The following FAM227B variants were observed in gnomAD, a reference collection of about 807,000 sequenced individuals.
The protein encoded by FAM227B is family with sequence similarity 227 member B.
A neutral mutation model predicts 73.8 loss-of-function variants in FAM227B; 88 were observed. The observed-to-expected ratio is 1.19, with a 90% CI of 1.00 to 1.42. The LOEUF is 1.42. Among genes scored for constraint, FAM227B ranks in the 40% most tolerant of loss-of-function variants. The pLI, the probability that FAM227B is intolerant of heterozygous loss-of-function variation, is 0.00. For missense variants in FAM227B, 632 were observed against 590.9 expected (o/e 1.07, Z -0.72); for synonymous variants, 210 against 190.5 (o/e 1.10, Z -0.84).
chr15:49,362,975 C>T (rs890416768), intron 13 of FAM227B, among the ~76,000 whole-genome samples: 1 of 151,900 alleles, frequency 6.6e-6, no homozygotes, highest in Admixed American at 6.6e-5. Context: ...CTGTTCCATA[C>T]GTCTTTGTGT....
intron 11 of FAM227B, among the ~76,000 whole-genome samples, chr15:49,389,943 CTA>C (rs1232433443): frequency 4.6e-5 from 7 of 152,042 alleles, no homozygotes; most frequent in African/African-American, 1.4e-4. Flanking sequence ...GCCGTATTTT[CTA>C]TGTCAACATA....
chr15:49,398,017 T>C (rs1227419122), intron 11 of FAM227B, among the ~76,000 whole-genome samples: 3 of 152,164 alleles, frequency 2.0e-5, no homozygotes, highest in Non-Finnish European at 2.9e-5. Flanking sequence ...TAAATGTAAA[T>C]GGACTAAATG....
At chr15:49,422,881 G>T (rs2049807544) in intron 11 of FAM227B, among the ~76,000 whole-genome samples, 1 of 152,132 alleles carries the variant, frequency 6.6e-6, no homozygotes, top group East Asian at 1.9e-4. Context: ...AGTAATTGAA[G>T]AAATGCATGT....
chr15:49,486,693 G>A (rs1445180860), intron 11 of FAM227B: 1 of 151,910 alleles, frequency 6.6e-6, no homozygotes, highest in Non-Finnish European at 1.5e-5. Flanking sequence ...ACATAGCAAT[G>A]CTGAATTAGG....
intron 11 of FAM227B, among the ~76,000 whole-genome samples, chr15:49,408,501 T>G (rs2048666150): frequency 6.6e-6 from 1 of 152,240 alleles, no homozygotes; most frequent in African/African-American, 2.4e-5. Context: ...GCTCTCTCGC[T>G]TTTCCTTCAT....
chr15:49,591,029 G>GTTTT (rs71424023), intron 3 of FAM227B, among the ~76,000 whole-genome samples: 2 of 105,608 alleles, frequency 1.9e-5, no homozygotes, highest in South Asian at 3.2e-4. Flanking sequence ...TCTTTTTTTT[G>GTTTT]TTTTTTTTTT....
At chr15:49,566,505 G>A (rs2074670623) in intron 9 of FAM227B, among the ~76,000 whole-genome samples, 1 of 152,120 alleles carries the variant, frequency 6.6e-6, no homozygotes, top group African/African-American at 2.4e-5. Flanking sequence ...ATATATTTAG[G>A]TTCAGATTAA....
chr15:49,542,278 G>A (rs955316063), intron 9 of FAM227B, among the ~76,000 whole-genome samples: 13 of 147,252 alleles, frequency 8.8e-5, no homozygotes, highest in African/African-American at 3.3e-4. Flanking sequence ...CACAGCCAGT[G>A]GAGGGAGATG....
chr15:49,487,915 T>C (rs2056540029), intron 11 of FAM227B: 1 of 151,998 alleles, frequency 6.6e-6, no homozygotes, highest in South Asian at 2.1e-4. Context: ...CCACTGCCAT[T>C]TACTTGAGCG....
In FAM227B at chr15:49,367,382, C is replaced by T. The variant is rs1319799991; in HGVS notation, c.1271+66G>A. 2.3e-6 allele frequency: 3 copies of T among 1,315,446 alleles called. No individual in the cohort carries two copies. The African/African-American group carries it at 4.5e-5, about 20-fold the overall frequency. 81.5% of individuals were successfully genotyped at this position (1,315,446 alleles called of 1,614,324 possible). ...CAATTTGTTTCTCAATTGAGACATT[C>T]AGTGAAATGTTTTGAATATTATTTT... On this transcript the variant is annotated intron_variant, in intron 13 of 15. Coordinates refer to ENST00000299338, the MANE Select transcript of FAM227B (RefSeq NM_152647.3).
chr15:49,427,941 A>C (rs1429615982), intron 11 of FAM227B, among the ~76,000 whole-genome samples: 1 of 152,042 alleles, frequency 6.6e-6, no homozygotes, highest in Non-Finnish European at 1.5e-5. Context: ...CTGGATTGTG[A>C]GGTTGTCACT....
intron 10 of FAM227B, among the ~76,000 whole-genome samples, chr15:49,508,828 C>A (rs111979948): frequency 6.6e-6 from 1 of 152,048 alleles, no homozygotes; most frequent in Non-Finnish European, 1.5e-5. Context: ...AGATAGATTG[C>A]CTATGTTTTA....
At chr15:49,532,090 T>C (rs1378304156) in intron 10 of FAM227B, among the ~76,000 whole-genome samples, 1 of 149,608 alleles carries the variant, frequency 6.7e-6, no homozygotes, top group African/African-American at 2.4e-5. Context: ...TATAGATATT[T>C]AAGGGATTAT....
intron 13 of FAM227B, among the ~76,000 whole-genome samples, chr15:49,350,311 A>C (rs911476389): frequency 1.3e-5 from 2 of 152,222 alleles, no homozygotes; most frequent in Non-Finnish European, 2.9e-5. Flanking sequence ...ATGACCACAC[A>C]TGGCTAGTGG....
In FAM227B at chr15:49,327,129, C is replaced by CTT. The variant is rs1223578649; in HGVS notation, c.*1437_*1438dup. 1 of 152,148 alleles carries CTT rather than the reference C, an allele frequency of 6.6e-6. No individual in the cohort carries two copies. Among genetic ancestry groups the CTT allele is most frequent in the Admixed American group, 6.5e-5 (1 of 15,278 alleles). The allele number at this position is 152,148 out of a possible 1,614,324, so 9.4% of individuals were successfully genotyped here. A position where few individuals can be genotyped will look rare whatever the true frequency, so the allele number is the denominator to read the frequency against. On this transcript the variant is annotated 3_prime_UTR_variant, in exon 16 of 16. Transcript: ENST00000299338. ...TAGGGCCTTTCACTTTGGTTGAAATCTTAGGTTTGAAACTGTGCCTGGTTT... is the reference window on the plus strand; with the variant it reads ...TAGGGCCTTTCACTTTGGTTGAAATCTTTTAGGTTTGAAACTGTGCCTGGTTT...
At chr15:49,444,762 A>T (rs2052023927) in intron 11 of FAM227B, among the ~76,000 whole-genome samples, 1 of 151,608 alleles carries the variant, frequency 6.6e-6, no homozygotes, top group South Asian at 2.1e-4. Context: ...CTTTTTAAAT[A>T]CTCTGCATGA....
At chr15:49,585,748 C>T (rs534616293) in intron 5 of FAM227B, among the ~76,000 whole-genome samples, 14 of 152,142 alleles carry the variant, frequency 9.2e-5, no homozygotes, top group East Asian at 3.9e-4. Context: ...TGCTAAATGA[C>T]GAGTTAATGT....
chr15:49,551,030 G>A (rs1448390918), intron 9 of FAM227B, among the ~76,000 whole-genome samples: 3 of 152,356 alleles, frequency 2.0e-5, no homozygotes, highest in East Asian at 1.9e-4. Context: ...CTGCAATCCC[G>A]GCACCCCGGG....
intron 12 of FAM227B, among the ~76,000 whole-genome samples, chr15:49,369,828 A>G (rs113941757): frequency 0.023 from 3,468 of 152,328 alleles, 64 homozygotes; most frequent in African/African-American, 0.042. Flanking sequence ...AGCTCTCTAC[A>G]TATTTGAAAA....
Sources: allele counts gnomAD v4.1 joint callset (sites outside exome capture counted in the v4.1 genomes callset), GRCh38; gene constraint gnomAD v4.1.1; transcripts MANE v1.5; gene names NCBI Gene and HGNC (gene_info 2026-07-23, HGNC 2026-07-21).